PALMD: variants seen among roughly 807,000 people sequenced by gnomAD.
The protein encoded by PALMD is palmdelphin, also known as paralemmin-like protein.
Under a neutral mutation model 56.2 loss-of-function variants are expected in PALMD, and 42 were observed. The observed-to-expected ratio is 0.75, with a 90% CI of 0.58 to 0.97. PALMD has a LOEUF of 0.97. Ranked by LOEUF, PALMD falls within the 50% of genes least tolerant of loss-of-function variation. The pLI is 0.00. For synonymous variants in PALMD, 242 were observed against 222.9 expected (o/e 1.09, Z -0.76); for missense variants, 660 against 643.8 (o/e 1.03, Z -0.27).
In PALMD at chr1:99,689,990, AT is replaced by A. The variant is rs371573956; in HGVS notation, c.1612+125del. ...ACCTCATAAACTAATACGCACTGAG[AT>A]TTTTTTATTAATGCTGATAGAGATT... is the stretch of plus-strand genomic sequence containing the variant. On this transcript the variant is annotated intron_variant, in intron 7 of 7. Transcript: ENST00000263174. 114 of 823,814 alleles carry A rather than the reference AT, an allele frequency of 1.4e-4. 2 individuals are homozygous for A. The African/African-American group carries it at 1.5e-3, about 11-fold the overall frequency. The allele number at this position is 823,814 out of a possible 1,614,324, so 51.0% of individuals were successfully genotyped here. A position where few individuals can be genotyped will look rare whatever the true frequency, so the allele number is the denominator to read the frequency against.
intron 2 of PALMD, among the ~76,000 whole-genome samples, chr1:99,662,698 G>A (rs1369001828): frequency 3.3e-5 from 5 of 152,114 alleles, no homozygotes; most frequent in Non-Finnish European, 1.5e-5. Flanking sequence ...GGCCCTGCTC[G>A]CAGTCTTGCT....
intron 1 of PALMD, among the ~76,000 whole-genome samples, chr1:99,660,324 C>G (rs555456636): frequency 6.6e-6 from 1 of 152,326 alleles, no homozygotes; most frequent in East Asian, 1.9e-4. Flanking sequence ...TGCCTGGGTT[C>G]AAATCCTGGC....
At position 99,646,144 on chromosome 1, in the gene PALMD, A is replaced by G; in HGVS notation, c.-174A>G. The G allele has an allele frequency of 9.7e-6, 6 of 619,930 alleles. No individual in the cohort carries two copies. In the South Asian group the frequency reaches 1.1e-4, roughly 12 times the overall value. 38.4% of individuals were successfully genotyped at this position (619,930 alleles called of 1,614,324 possible). A position where few individuals can be genotyped will look rare whatever the true frequency, so the allele number is the denominator to read the frequency against. ...TGTGTCTGTCTGGCCTGATCTGTGC[A>G]TCTGCTCGGAGACGCTCCTGACAAG... is the stretch of plus-strand genomic sequence containing the variant. On this transcript the variant is annotated 5_prime_UTR_variant, in exon 1 of 8. Transcript: ENST00000263174.
intron 6 of PALMD, among the ~76,000 whole-genome samples, chr1:99,687,584 A>C (rs1438432592): frequency 2.0e-5 from 3 of 152,180 alleles, no homozygotes; most frequent in Non-Finnish European, 2.9e-5. Flanking sequence ...CCTCCATGGG[A>C]AATTGAGTTA....
intron 1 of PALMD, among the ~76,000 whole-genome samples, chr1:99,652,058 C>T (rs1215826622): frequency 6.6e-6 from 1 of 152,182 alleles, no homozygotes; most frequent in Non-Finnish European, 1.5e-5. Context: ...TCTTACATAG[C>T]ATTTAGGCTA....
chr1:99,652,378 C>T (rs887724771), intron 1 of PALMD, among the ~76,000 whole-genome samples: 3 of 151,974 alleles, frequency 2.0e-5, no homozygotes, highest in South Asian at 2.1e-4. Context: ...TTGAGGCAGG[C>T]GGATCACTTA....
chr1:99,693,015 A>G (rs1653695917), intron 7 of PALMD, among the ~76,000 whole-genome samples: 1 of 152,240 alleles, frequency 6.6e-6, no homozygotes. Flanking sequence ...AATTAAAATA[A>G]TCATGGTCTT....
chr1:99,662,463 T>C, intron 2 of PALMD, 64 bp downstream of exon 2: 1 of 954,700 alleles, frequency 1.0e-6, no homozygotes. Flanking sequence ...GGTACTCAAA[T>C]TTCAATAGTA....
At chr1:99,674,623 T>TG (rs547482726) in intron 3 of PALMD, among the ~76,000 whole-genome samples, 219 of 152,202 alleles carry the variant, frequency 1.4e-3, no homozygotes, top group African/African-American at 5.1e-3. Context: ...AAAAAAAAAT[T>TG]TGTTTTTCTC....
chr1:99,689,240 C>T lies in PALMD; in HGVS notation c.980C>T (p.Pro327Leu), dbSNP rs1282690314. ...FNHISPIPPV[P>L]HPRSVIQQAE... ...CACATCAGTCCCATTCCGCCAGTGC[C>T]TCATCCCCGATCAGTGATTCAACAA... The change falls in exon 7 of 8, where the codon CCT becomes CTT. Residue 327 changes from proline to leucine, a missense_variant. Coordinates refer to ENST00000263174, the MANE Select transcript of PALMD (RefSeq NM_017734.5). The T allele has an allele frequency of 4.3e-6, 7 of 1,613,636 alleles. No individual in the cohort carries two copies. Among genetic ancestry groups the T allele is most frequent in the South Asian group, 3.3e-5 (3 of 91,072 alleles).
chr1:99,686,954 A>G lies in PALMD; in HGVS notation c.391A>G (p.Arg131Gly). The G allele has an allele frequency of 6.3e-7, 1 of 1,581,042 alleles. No individual in the cohort carries two copies. The highest frequency in any genetic ancestry group is 8.7e-7 in the Non-Finnish European group (1 of 1,153,516). ...IRSVKVEREERAEESIEDIYA... is the reference protein window; with the variant it reads ...IRSVKVEREEGAEESIEDIYA... ...GTCTGTGAAAGTGGAAAGAGAAGAAAGAGCAGAAGGTATGTTTTTGAATAA... is the reference window on the plus strand; with the variant it reads ...GTCTGTGAAAGTGGAAAGAGAAGAAGGAGCAGAAGGTATGTTTTTGAATAA... Residue 131 changes from arginine to glycine, a missense_variant, in exon 5 of 8, where the codon AGA becomes GGA. By Grantham distance (125) the Arg-to-Gly change is moderately radical. Transcript: ENST00000263174.
rs1653594569 is a variant in PALMD at position 99,689,071 on chromosome 1, A to G, written c.811A>G (p.Thr271Ala). ...TGCCAATCCCTTTTACAGGCCTACA[A>G]CCCCACAGAGAGAAACGGTGACCCC... ...VYANPFYRPTTPQRETVTPGP... is the reference protein window; with the variant it reads ...VYANPFYRPTAPQRETVTPGP... Residue 271 changes from threonine (T) to alanine (A), a missense_variant, in exon 7 of 8, where the codon ACC (threonine) becomes GCC (alanine). Transcript: ENST00000263174. 6.2e-7 allele frequency: 1 copy of G among 1,613,700 alleles called. No individual in the cohort carries two copies. The highest frequency in any genetic ancestry group is 8.5e-7 in the Non-Finnish European group (1 of 1,179,776).
intron 3 of PALMD, among the ~76,000 whole-genome samples, chr1:99,675,445 T>C (rs1439702753): frequency 1.3e-5 from 2 of 152,198 alleles, no homozygotes; most frequent in Admixed American, 6.5e-5. Flanking sequence ...TCAGTTAACT[T>C]GCCATGTCCT....
intron 3 of PALMD, among the ~76,000 whole-genome samples, chr1:99,671,257 GCCCATGAACCTTTCTTT>G (rs770607734): frequency 6.8e-4 from 104 of 152,278 alleles, no homozygotes; most frequent in Non-Finnish European, 1.3e-3. Context: ...GCCAGACTTT[GCCCATGAACCTTTCTTT>G]CCTTCTACTT....
intron 3 of PALMD, 33 bp downstream of exon 3, chr1:99,667,799 C>A (rs766524125): frequency 6.3e-7 from 1 of 1,596,274 alleles, no homozygotes; most frequent in Non-Finnish European, 8.6e-7. Flanking sequence ...CCACAACTAC[C>A]TTTATTTTGA....
At position 99,689,367 on chromosome 1, in the gene PALMD, G is replaced by C. The variant is rs1653602355; in HGVS notation, c.1107G>C (p.Leu369=). 6.2e-7 allele frequency: 1 copy of C among 1,613,646 alleles called. No individual in the cohort carries two copies. Among genetic ancestry groups the C allele is most frequent in the African/African-American group, 1.3e-5 (1 of 74,864 alleles). The change falls in exon 7 of 8, where the codon CTG becomes CTC. Residue 369 remains leucine, a synonymous_variant. Transcript: ENST00000263174. ...DKDAPSPKPR[L]SPRETIFGKS... is the part of the protein sequence containing the mutation. ...ATGCACCCTCTCCAAAGCCAAGGCT[G>C]AGCCCCAGAGAGACAATATTTGGGA... is the stretch of plus-strand genomic sequence containing the variant.
Position 99,694,324 on chromosome 1 carries a change from A to G in PALMD, c.*262A>G, listed in dbSNP as rs1653738579. The G allele has an allele frequency of 3.2e-6, 1 of 315,732 alleles. No homozygotes were observed. Among genetic ancestry groups the G allele is most frequent in the Non-Finnish European group, 5.9e-6 (1 of 169,990 alleles). The allele number at this position is 315,732 out of a possible 1,614,324, so 19.6% of individuals were successfully genotyped here. A position where few individuals can be genotyped will look rare whatever the true frequency, so the allele number is the denominator to read the frequency against. ...GCATTTTTTATTCTATTGATACCAA[A>G]GCATTTCTAATAAGAGCTTGTTAAA... On this transcript the variant is annotated 3_prime_UTR_variant, in exon 8 of 8. Coordinates refer to ENST00000263174, the MANE Select transcript of PALMD (RefSeq NM_017734.5).
chr1:99,670,560 A>G (rs1653061014), intron 3 of PALMD, among the ~76,000 whole-genome samples: 1 of 152,168 alleles, frequency 6.6e-6, no homozygotes, highest in Non-Finnish European at 1.5e-5. Flanking sequence ...CTGTAAATGC[A>G]AATGCTCTAG....
chr1:99,665,849 A>G (rs1012809684), intron 2 of PALMD, among the ~76,000 whole-genome samples: 1 of 152,136 alleles, frequency 6.6e-6, no homozygotes, highest in African/African-American at 2.4e-5. Flanking sequence ...AGCATCTTTG[A>G]CCCCAGGAGC....
Sources: gnomAD v4.1 joint callset for allele counts (sites outside exome capture counted in the v4.1 genomes callset) on GRCh38, gnomAD v4.1.1 for gene constraint, MANE v1.5 for transcripts, NCBI Gene and HGNC (gene_info 2026-07-23, HGNC 2026-07-21) for gene names.